C1orf94: variants seen among roughly 807,000 people sequenced by gnomAD.
C1orf94 encodes uncharacterized protein C1orf94.
A neutral mutation model predicts 53.6 loss-of-function variants in C1orf94; 45 were observed. The ratio of observed to expected loss-of-function variants is 0.84; its 90% confidence interval spans 0.66 to 1.08. The LOEUF is 1.08. Among genes scored for constraint, C1orf94 ranks in the 50% least tolerant of loss-of-function variants. C1orf94 has a pLI of 0.00. For synonymous variants in C1orf94, 304 were observed against 296.1 expected (o/e 1.03, Z -0.27); for missense variants, 762 against 738.9 (o/e 1.03, Z -0.36).
In C1orf94 at chr1:34,206,108, C is replaced by T. The variant is rs1172636562; in HGVS notation, c.1447-2049C>T. ...GCGGTGGGCAGCTGTTTGCCATCCA[C>T]AGAGCCTAGGGCAGCCTGGCACAAG... is the stretch of plus-strand genomic sequence containing the variant. On this transcript the variant is annotated intron_variant, in intron 4 of 6. Coordinates refer to ENST00000488417, the MANE Select transcript of C1orf94 (RefSeq NM_001134734.2). Among the ~76,000 whole-genome samples, 6 of 152,256 alleles carry T rather than the reference C, an allele frequency of 3.9e-5. No homozygotes were observed. In the Middle Eastern group the frequency reaches 0.01, roughly 259 times the overall value.
At chr1:34,207,466 T>C (rs938995245) in intron 4 of C1orf94, among the ~76,000 whole-genome samples, 1 of 152,196 alleles carries the variant, frequency 6.6e-6, no homozygotes, top group Non-Finnish European at 1.5e-5. Context: ...AGGGCACTGT[T>C]CTAAGCTCTT....
chr1:34,217,083 T>G (rs1335564770), intron 6 of C1orf94, among the ~76,000 whole-genome samples: 2 of 152,090 alleles, frequency 1.3e-5, no homozygotes, highest in African/African-American at 4.8e-5. Flanking sequence ...CTGTTTCAAA[T>G]AAATGAAACT....
rs572914308 is a variant in C1orf94, at chr1:34,214,496, A to G, written c.1721+2090A>G. On this transcript the variant is annotated intron_variant, in intron 6 of 6. Transcript: ENST00000488417. ...CTAGGGGCCTATGGGACAGATTATC[A>G]TCCCCTGGAGGTGAGAATAGAGACC... Among the ~76,000 whole-genome samples the G allele has an allele frequency of 2.6e-5, 4 of 152,276 alleles. No homozygotes were observed. In the East Asian group the frequency reaches 5.8e-4, roughly 22 times the overall value.
rs1642625607 is a variant in C1orf94, at chr1:34,197,794, C to A, written c.890C>A (p.Pro297His). Reference sequence around the variant, plus strand: ...TTTCTGCTGCTGCCTCCCCGACCTCCTCCTGCACGTCCTGACAAGCTCCCT... The same window carrying A: ...TTTCTGCTGCTGCCTCCCCGACCTCATCCTGCACGTCCTGACAAGCTCCCT... ...SPFLLLPPRPPPARPDKLPEL... is the reference protein window; with the variant it reads ...SPFLLLPPRPHPARPDKLPEL... The change falls in exon 2 of 7, where the codon CCT becomes CAT. Residue 297 changes from proline to histidine, a missense_variant. Pro to His is a moderately conservative substitution (Grantham distance 77). Coordinates refer to ENST00000488417, the MANE Select transcript of C1orf94 (RefSeq NM_001134734.2). This position sits in a 1 kb window ranked among gnomAD's most constrained non-coding sequence, Gnocchi z 4.1. 1 of 1,614,236 alleles carries A rather than the reference C, an allele frequency of 6.2e-7. No individual in the cohort carries two copies. The highest frequency in any genetic ancestry group is 2.2e-5 in the East Asian group (1 of 44,878).
At position 34,200,202 on chromosome 1, in the gene C1orf94, C is replaced by T. The variant is rs543922270; in HGVS notation, c.1010-570C>T. On this transcript the variant is annotated intron_variant, in intron 2 of 6. Transcript: ENST00000488417. Reference sequence around the variant, plus strand: ...GAATGAGAGACCAAAGTGTGTGGCTCAGACCACATGTTCTGTAAGAATGTG... The same window carrying T: ...GAATGAGAGACCAAAGTGTGTGGCTTAGACCACATGTTCTGTAAGAATGTG... Among the ~76,000 whole-genome samples, 21 of 152,294 alleles carry T rather than the reference C, an allele frequency of 1.4e-4. No individual in the cohort carries two copies. In the South Asian group the frequency reaches 4.4e-3, roughly 32 times the overall value.
upstream of C1orf94, among the ~76,000 whole-genome samples, chr1:34,175,262 A>T (rs1571333149): frequency 7.1e-6 from 1 of 141,318 alleles, no homozygotes; most frequent in Non-Finnish European, 1.5e-5. Flanking sequence ...TGAGGGGGAG[A>T]GGGAACAGGA....
At chr1:34,217,092 C>G (rs1643000902) in intron 6 of C1orf94, among the ~76,000 whole-genome samples, 1 of 152,144 alleles carries the variant, frequency 6.6e-6, no homozygotes, top group African/African-American at 2.4e-5. Flanking sequence ...ATAAATGAAA[C>G]TATAAAATAA....
intron 1 of C1orf94, among the ~76,000 whole-genome samples, chr1:34,182,171 G>A (rs1642319949): frequency 6.6e-6 from 1 of 152,162 alleles, no homozygotes; most frequent in South Asian, 2.1e-4. Context: ...CTCCAGCCTG[G>A]GCGACAGAGT....
intron 5 of C1orf94, among the ~76,000 whole-genome samples, chr1:34,210,140 A>G (rs1642866285): frequency 6.6e-6 from 1 of 152,110 alleles, no homozygotes; most frequent in African/African-American, 2.4e-5. Context: ...TTTTTTTATA[A>G]CACTGTGTGA....
chr1:34,199,785 C>A (rs539310437), intron 2 of C1orf94, among the ~76,000 whole-genome samples: 1 of 152,190 alleles, frequency 6.6e-6, no homozygotes, highest in Non-Finnish European at 1.5e-5. Context: ...CTTGTCCCTG[C>A]TCCACACTCT....
chr1:34,202,875 AAAC>A (rs140866143), intron 4 of C1orf94, among the ~76,000 whole-genome samples: 4,098 of 152,236 alleles, frequency 0.027, 179 homozygotes, highest in African/African-American at 0.093. Flanking sequence ...TTGAAGAAGA[AAAC>A]AACAACAACA....
Position 34,212,239 on chromosome 1 carries a change from A to G in C1orf94, c.1554A>G (p.Gly518=). ...QVMPYNPQQM[G]QQIFRSSYTP... is the part of the protein sequence containing the mutation. ...TGCCATACAACCCACAGCAGATGGG[A>G]CAGCAGATCTTCCGCTCTTCCTACA... The change falls in exon 6 of 7, where the codon GGA becomes GGG. Residue 518 remains glycine (G), a synonymous_variant. Transcript: ENST00000488417. 6.2e-7 allele frequency: 1 copy of G among 1,612,578 alleles called. No individual in the cohort carries two copies. Among genetic ancestry groups the G allele is most frequent in the Non-Finnish European group, 8.5e-7 (1 of 1,179,422 alleles).
At chr1:34,203,430 A>C (rs1198416464) in intron 4 of C1orf94, among the ~76,000 whole-genome samples, 4 of 152,106 alleles carry the variant, frequency 2.6e-5, no homozygotes, top group Non-Finnish European at 4.4e-5. Context: ...CCCGGCCCTC[A>C]AATGCCATTT....
intron 1 of C1orf94, among the ~76,000 whole-genome samples, chr1:34,178,647 A>C (rs1449158259): frequency 6.6e-6 from 1 of 152,260 alleles, no homozygotes; most frequent in Non-Finnish European, 1.5e-5. Context: ...AGAAAATTAA[A>C]GTGCGGGAAG....
At chr1:34,209,730 C>A (rs1453642839) in intron 5 of C1orf94, among the ~76,000 whole-genome samples, 2 of 152,148 alleles carry the variant, frequency 1.3e-5, no homozygotes, top group East Asian at 3.9e-4. Flanking sequence ...GGAACCCTTG[C>A]ATCCTGAGAT....
At chr1:34,170,695 C>T (rs761956843) in intron 1 of C1orf94, among the ~76,000 whole-genome samples, 2 of 148,752 alleles carry the variant, frequency 1.3e-5, no homozygotes, top group East Asian at 1.9e-4. Flanking sequence ...ATAGGAGCCC[C>T]ACCCCACCCC....
chr1:34,197,592 G>C lies in C1orf94; in HGVS notation c.688G>C (p.Gly230Arg). The change falls in exon 2 of 7, where the codon GGT (glycine) becomes CGT (arginine). Residue 230 changes from glycine to arginine, a missense_variant. Physicochemically the swap from Gly to Arg is moderately radical, Grantham distance 125. Coordinates refer to ENST00000488417, the MANE Select transcript of C1orf94 (RefSeq NM_001134734.2). This position sits in a 1 kb window ranked among gnomAD's most constrained non-coding sequence, Gnocchi z 4.1. ...KGTEDRGRIL[G>R]DSNLQVSKLL... ...GACAGAGGACAGGGGCCGCATCCTA[G>C]GTGACTCCAACTTGCAAGTCAGCAA... The C allele has an allele frequency of 1.2e-6, 2 of 1,614,134 alleles. No homozygotes were observed. The highest frequency in any genetic ancestry group is 1.7e-6 in the Non-Finnish European group (2 of 1,180,000).
chr1:34,171,127 C>G (rs1460156204), intron 1 of C1orf94, among the ~76,000 whole-genome samples: 1 of 152,140 alleles, frequency 6.6e-6, no homozygotes, highest in African/African-American at 2.4e-5. Flanking sequence ...CCTGCTAGAC[C>G]CTCCCTACAA....
chr1:34,213,863 ATTCC>A (rs751629138), intron 6 of C1orf94, among the ~76,000 whole-genome samples: 21 of 151,504 alleles, frequency 1.4e-4, no homozygotes, highest in East Asian at 3.9e-4. Flanking sequence ...TAAAAAAAAT[ATTCC>A]TTCCTTCCTT....
Sources: allele counts gnomAD v4.1 joint callset (sites outside exome capture counted in the v4.1 genomes callset), GRCh38; gene constraint gnomAD v4.1.1; non-coding constraint Gnocchi (gnomAD v3.1); transcripts MANE v1.5; gene names NCBI Gene and HGNC (gene_info 2026-07-23, HGNC 2026-07-21).